WDR49: variants seen among roughly 807,000 people sequenced by gnomAD.
The protein encoded by WDR49 is WD repeat domain 49, also known as cilia- and flagella-associated protein 337.
Under a neutral mutation model 119.5 loss-of-function variants are expected in WDR49, and 107 were observed. The ratio of observed to expected loss-of-function variants is 0.90; its 90% CI spans 0.77 to 1.05. The LOEUF (loss-of-function observed/expected upper bound fraction) is 1.05. Ranked by LOEUF, WDR49 falls within the 50% of genes least tolerant of loss-of-function variation. WDR49 has a pLI of 0.00. For synonymous variants in WDR49, 425 were observed against 418.8 expected (o/e 1.01, Z -0.18); for missense variants, 1,240 against 1,220.5 (o/e 1.02, Z -0.24).
intron 7 of WDR49, among the ~76,000 whole-genome samples, chr3:167,577,030 CCA>C (rs1695597640): frequency 6.6e-6 from 1 of 151,978 alleles, no homozygotes; most frequent in Admixed American, 6.6e-5. Context: ...GTTCATATAA[CCA>C]CAGATATTAA....
At chr3:167,562,987 C>G (rs926249835) in intron 8 of WDR49, among the ~76,000 whole-genome samples, 2 of 152,216 alleles carry the variant, frequency 1.3e-5, no homozygotes, top group South Asian at 4.1e-4. Context: ...GCTTGTATCA[C>G]TGTGCATATC....
intron 5 of WDR49, among the ~76,000 whole-genome samples, chr3:167,613,105 C>T (rs1362807495): frequency 1.3e-5 from 2 of 151,880 alleles, no homozygotes; most frequent in Non-Finnish European, 1.5e-5. Context: ...TACCCCAGTC[C>T]CCAGGTTGTA....
intron 2 of WDR49, among the ~76,000 whole-genome samples, chr3:167,629,671 C>T (rs1717282378): frequency 6.6e-6 from 1 of 152,006 alleles, no homozygotes; most frequent in Non-Finnish European, 1.5e-5. Flanking sequence ...TTTTAGATGC[C>T]ATTAAGAATA....
chr3:167,492,654 A>G (rs543192344), intron 18 of WDR49, among the ~76,000 whole-genome samples: 59 of 152,260 alleles, frequency 3.9e-4, no homozygotes, highest in African/African-American at 1.3e-3. Context: ...GATGAAGCCT[A>G]TTTTCAGTTG....
At chr3:167,502,132 G>A (rs1334470745) in intron 17 of WDR49, among the ~76,000 whole-genome samples, 1 of 152,108 alleles carries the variant, frequency 6.6e-6, no homozygotes, top group African/African-American at 2.4e-5. Context: ...GTTTAAACGT[G>A]TGTGGCACCA....
intron 10 of WDR49, among the ~76,000 whole-genome samples, chr3:167,553,422 T>C (rs1332774981): frequency 6.6e-6 from 1 of 152,146 alleles, no homozygotes; most frequent in African/African-American, 2.4e-5. Flanking sequence ...ATCTAATCTT[T>C]CTAATTTTCC....
chr3:167,543,067 T>C (rs373251969), intron 10 of WDR49, among the ~76,000 whole-genome samples: 6 of 151,902 alleles, frequency 3.9e-5, no homozygotes, highest in Admixed American at 6.6e-5. Context: ...TTTCTGGAAA[T>C]ACACAATGCC....
At chr3:167,484,448 A>T (rs1470010336) in intron 18 of WDR49, among the ~76,000 whole-genome samples, 6 of 151,790 alleles carry the variant, frequency 4.0e-5, no homozygotes, top group African/African-American at 1.2e-4. Context: ...AGTATAATAA[A>T]ATATATATAT....
In WDR49 at chr3:167,642,386, A is replaced by T. The variant is rs1309440650; in HGVS notation, c.165+10875T>A. Among the ~76,000 whole-genome samples, 3 of 152,024 alleles carry T rather than the reference A, an allele frequency of 2.0e-5. No homozygotes were observed. The East Asian group carries it at 5.8e-4, about 29-fold the overall frequency. ...TCCAAAACTATTTCATATACATTACAGAATAAAGCATACAAATAAATATAT... is the reference window on the plus strand; with the variant it reads ...TCCAAAACTATTTCATATACATTACTGAATAAAGCATACAAATAAATATAT... On this transcript the variant is annotated intron_variant, in intron 2 of 18. Coordinates refer to ENST00000682715, the MANE Select transcript of WDR49 (RefSeq NM_001366157.1).
chr3:167,567,879 GA>G (rs1158132792), intron 8 of WDR49, among the ~76,000 whole-genome samples: 1 of 152,128 alleles, frequency 6.6e-6, no homozygotes, highest in Non-Finnish European at 1.5e-5. Context: ...AACCAGTTCA[GA>G]AAAAAACATT....
Position 167,604,303 on chromosome 3 carries a change from A to G in WDR49, c.1124T>C (p.Ile375Thr). Residue 375 changes from isoleucine to threonine, a missense_variant and splice_region_variant, in exon 6 of 19, where the codon ATT becomes ACT. Physicochemically the swap from Ile to Thr is moderately conservative, Grantham distance 89. Coordinates refer to ENST00000682715, the MANE Select transcript of WDR49 (RefSeq NM_001366157.1). ...AFDYHSRLNLIATAGINNKVC... is the reference protein window; with the variant it reads ...AFDYHSRLNLTATAGINNKVC... Reference sequence around the variant, plus strand: ...TTATCATGATTTATTTTACCTACCAATTAAATTGAGCCGAGAGTGATAATC... The same window carrying G: ...TTATCATGATTTATTTTACCTACCAGTTAAATTGAGCCGAGAGTGATAATC... The G allele has an allele frequency of 1.2e-6, 2 of 1,613,344 alleles. No homozygotes were observed. Among genetic ancestry groups the G allele is most frequent in the Non-Finnish European group, 1.7e-6 (2 of 1,179,696 alleles).
intron 5 of WDR49, among the ~76,000 whole-genome samples, chr3:167,605,046 G>GTGTA (rs559427464): frequency 0.013 from 1,874 of 148,856 alleles, 45 homozygotes; most frequent in African/African-American, 0.043. Flanking sequence ...GTGTGTGTGT[G>GTGTA]TACATATACA....
At chr3:167,605,966 G>C (rs1426451551) in intron 5 of WDR49, among the ~76,000 whole-genome samples, 5 of 152,152 alleles carry the variant, frequency 3.3e-5, no homozygotes, top group African/African-American at 1.2e-4. Context: ...TACAAATTCA[G>C]AATACAGGGC....
chr3:167,493,454 C>A (rs1751228977), intron 18 of WDR49, among the ~76,000 whole-genome samples: 2 of 152,148 alleles, frequency 1.3e-5, no homozygotes, highest in South Asian at 4.1e-4. Flanking sequence ...GATAGTTTCT[C>A]CTGGAACCCT....
chr3:167,611,097 G>A (rs1369989179), intron 5 of WDR49, among the ~76,000 whole-genome samples: 1 of 152,096 alleles, frequency 6.6e-6, no homozygotes, highest in South Asian at 2.1e-4. Flanking sequence ...GAAATAGAAA[G>A]ACTAAATGAT....
intron 5 of WDR49, among the ~76,000 whole-genome samples, chr3:167,605,806 T>A (rs957112255): frequency 2.6e-5 from 4 of 152,166 alleles, no homozygotes; most frequent in African/African-American, 9.7e-5. Context: ...GAAATAGGGA[T>A]TCATCCACAC....
chr3:167,515,484 A>G (rs1752161918), intron 16 of WDR49, among the ~76,000 whole-genome samples: 1 of 152,222 alleles, frequency 6.6e-6, no homozygotes, highest in South Asian at 2.1e-4. Flanking sequence ...GAAGGAACAT[A>G]TCTCAAAATA....
intron 11 of WDR49, among the ~76,000 whole-genome samples, chr3:167,535,843 CAATGAATA>C (rs1753002631): frequency 6.6e-6 from 1 of 151,906 alleles, no homozygotes; most frequent in African/African-American, 2.4e-5. Flanking sequence ...AAATGTCCAT[CAATGAATA>C]AATGAATAAA....
At chr3:167,542,519 A>C (rs1360369879) in intron 10 of WDR49, among the ~76,000 whole-genome samples, 1 of 152,158 alleles carries the variant, frequency 6.6e-6, no homozygotes, top group East Asian at 1.9e-4. Flanking sequence ...AAAATTAAGT[A>C]ATCTGCTCCT....
Sources: allele counts gnomAD v4.1 joint callset (sites outside exome capture counted in the v4.1 genomes callset), GRCh38; gene constraint gnomAD v4.1.1; transcripts MANE v1.5; gene names NCBI Gene and HGNC (gene_info 2026-07-23, HGNC 2026-07-21).